Variants in SPECC1L observed in about 807,000 individuals in gnomAD.
The protein encoded by SPECC1L is sperm antigen with calponin homology and coiled-coil domains 1 like.
A neutral mutation model predicts 116.8 loss-of-function variants in SPECC1L; 40 were observed. That is an observed-to-expected ratio of 0.34 (90% CI 0.27 to 0.45). SPECC1L has a LOEUF of 0.45. Among genes scored for constraint, SPECC1L ranks in the 20% least tolerant of loss-of-function variants. SPECC1L has a pLI of 1.00. For synonymous variants in SPECC1L, 504 were observed against 500.6 expected, an observed-to-expected ratio of 1.01 and a Z score of -0.09; for missense variants, 1,110 against 1,373.6, an observed-to-expected ratio of 0.81 and a Z score of 3.03.
At chr22:24,274,062 G>T (rs1320438613) in intron 1 of SPECC1L, among the ~76,000 whole-genome samples, 2 of 152,160 alleles carry the variant, frequency 1.3e-5, no homozygotes, top group African/African-American at 4.8e-5. Flanking sequence ...CCAGCCCCAG[G>T]AGATTTTTTT....
At chr22:24,331,863 C>T (rs2040945575) in intron 8 of SPECC1L, among the ~76,000 whole-genome samples, 1 of 152,094 alleles carries the variant, frequency 6.6e-6, no homozygotes, top group Non-Finnish European at 1.5e-5. Flanking sequence ...TTAAAGATGT[C>T]CTTGGTAAAA....
intron 14 of SPECC1L, among the ~76,000 whole-genome samples, chr22:24,371,708 T>C (rs1411570613): frequency 6.6e-6 from 1 of 150,686 alleles, no homozygotes; most frequent in Non-Finnish European, 1.5e-5. Context: ...GGGATTGACA[T>C]TGATTGATTG....
intron 4 of SPECC1L, among the ~76,000 whole-genome samples, chr22:24,317,174 G>A (rs1263035540): frequency 3.8e-4 from 33 of 86,362 alleles, no homozygotes; most frequent in Non-Finnish European, 4.5e-4. Flanking sequence ...GCGGCTGGCT[G>A]GGCAGAGGGG....
rs886523774 is a variant in SPECC1L at position 24,404,670 on chromosome 22, C to T, written c.3088-6918C>T. ...GACCAGCCGGCCTCTGACTGCCCTC[C>T]CCCTGCTCCTGGCTGTTCTGACCCC... On this transcript the variant is annotated intron_variant, in intron 14 of 16. Transcript: ENST00000314328. Among the ~76,000 whole-genome samples the T allele has an allele frequency of 2.7e-4, 41 of 152,192 alleles. 1 individual carries two copies. The highest frequency in any genetic ancestry group is 1.2e-4 in the Non-Finnish European group (8 of 68,026).
intron 4 of SPECC1L, among the ~76,000 whole-genome samples, chr22:24,314,322 T>TA (rs1483769554): frequency 1.3e-5 from 2 of 152,244 alleles, no homozygotes; most frequent in Non-Finnish European, 2.9e-5. Flanking sequence ...GTGCTGGTAT[T>TA]ACAGGCGTGA....
At chr22:24,397,624 TATTAA>T (rs1601346040) in intron 14 of SPECC1L, among the ~76,000 whole-genome samples, 4 of 152,252 alleles carry the variant, frequency 2.6e-5, no homozygotes, top group South Asian at 2.1e-4. Flanking sequence ...TTTTGCTTTG[TATTAA>T]ATTAATAAAA....
intron 7 of SPECC1L, 39 bp downstream of exon 7, chr22:24,328,958 GT>G (rs1569423014): frequency 6.6e-7 from 1 of 1,510,188 alleles, no homozygotes; most frequent in East Asian, 2.3e-5. Flanking sequence ...TTAGAAAACG[GT>G]TTTCTGAAAT....
intron 2 of SPECC1L, among the ~76,000 whole-genome samples, chr22:24,284,065 C>T (rs892231478): frequency 6.6e-6 from 1 of 151,954 alleles, no homozygotes; most frequent in African/African-American, 2.4e-5. Context: ...CTCTGTTTTA[C>T]GTTTTCTATT....
intron 14 of SPECC1L, among the ~76,000 whole-genome samples, chr22:24,399,964 G>T (rs147302896): frequency 0.02 from 2,974 of 152,260 alleles, 51 homozygotes; most frequent in African/African-American, 0.042. Flanking sequence ...GAGTTTTAAT[G>T]TAACTTCTCA....
chr22:24,273,352 G>T (rs2048767098), intron 1 of SPECC1L, among the ~76,000 whole-genome samples: 1 of 152,126 alleles, frequency 6.6e-6, no homozygotes, highest in Admixed American at 6.5e-5. Flanking sequence ...ACAATATTGG[G>T]AGTCTTTTAT....
chr22:24,408,259 C>T (rs758822594), intron 14 of SPECC1L, among the ~76,000 whole-genome samples: 1 of 152,248 alleles, frequency 6.6e-6, no homozygotes, highest in Non-Finnish European at 1.5e-5. Flanking sequence ...GGTCTTCAGT[C>T]AGCAGTAACT....
At chr22:24,334,014 GTT>G (rs11398083) in intron 8 of SPECC1L, among the ~76,000 whole-genome samples, 3 of 132,520 alleles carry the variant, frequency 2.3e-5, no homozygotes. Flanking sequence ...GTTTTTTGTT[GTT>G]TTTTTTTTTT....
At chr22:24,384,301 G>A (rs2044348618) in intron 14 of SPECC1L, among the ~76,000 whole-genome samples, 1 of 152,112 alleles carries the variant, frequency 6.6e-6, no homozygotes, top group Non-Finnish European at 1.5e-5. Context: ...TTCTCAATAG[G>A]TAACAGAAAG....
chr22:24,392,914 G>T (rs1024256690), intron 14 of SPECC1L, among the ~76,000 whole-genome samples: 11 of 152,212 alleles, frequency 7.2e-5, no homozygotes, highest in African/African-American at 2.7e-4. Flanking sequence ...CACTAGACCT[G>T]TGGCCAGAGC....
chr22:24,400,380 T>C (rs1225639596), intron 14 of SPECC1L, among the ~76,000 whole-genome samples: 1 of 152,278 alleles, frequency 6.6e-6, no homozygotes, highest in Non-Finnish European at 1.5e-5. Flanking sequence ...CTTACTCATA[T>C]TGTGGCGTAT....
At chr22:24,381,651 G>A (rs1398002134) in intron 14 of SPECC1L, among the ~76,000 whole-genome samples, 7 of 152,062 alleles carry the variant, frequency 4.6e-5, no homozygotes, top group African/African-American at 1.7e-4. Flanking sequence ...TTGGGAGGCC[G>A]AGGGAGGCGG....
chr22:24,333,987 A>G (rs1203896189), intron 8 of SPECC1L, among the ~76,000 whole-genome samples: 1 of 150,580 alleles, frequency 6.6e-6, no homozygotes, highest in Non-Finnish European at 1.5e-5. Flanking sequence ...AACTGATACA[A>G]TTTTTTTAAA....
In SPECC1L at chr22:24,322,410, A is replaced by G; in HGVS notation, c.1430A>G (p.Tyr477Cys). The G allele has an allele frequency of 6.2e-7, 1 of 1,614,226 alleles. No homozygotes were observed. Among genetic ancestry groups the G allele is most frequent in the Non-Finnish European group, 8.5e-7 (1 of 1,180,038 alleles). The change falls in exon 5 of 17, where the codon TAT becomes TGT. Residue 477 changes from tyrosine (Y) to cysteine (C), a missense_variant. Physicochemically the swap from Tyr to Cys is radical, Grantham distance 194. Around this residue, in one of 4 missense-constraint regions of SPECC1L, gnomAD observed 575 missense variants for 682.4 expected, o/e 0.84. Transcript: ENST00000314328. Reference sequence around the variant, plus strand: ...CTTCTAGATGAGCATCACATTTCTTATGTCATAGATGAAGATGTAAAAAGT... The same window carrying G: ...CTTCTAGATGAGCATCACATTTCTTGTGTCATAGATGAAGATGTAAAAAGT... ...RSLLDEHHIS[Y>C]VIDEDVKSGR...
chr22:24,294,716 C>A (rs2049225279), intron 2 of SPECC1L, among the ~76,000 whole-genome samples: 1 of 152,012 alleles, frequency 6.6e-6, no homozygotes, highest in South Asian at 2.1e-4. Context: ...ATATTTGAGT[C>A]CTCCTTGACT....
Sources: allele counts gnomAD v4.1 joint callset (sites outside exome capture counted in the v4.1 genomes callset), GRCh38; gene constraint gnomAD v4.1.1; regional missense constraint gnomAD v4.1.1; transcripts MANE v1.5; gene names NCBI Gene and HGNC (gene_info 2026-07-23, HGNC 2026-07-21).